Variants in CBR4 observed in about 807,000 individuals in gnomAD.
The protein encoded by CBR4 is 3-oxoacyl-[acyl-carrier-protein] reductase.
CBR4 carries 22 observed loss-of-function variants against 21.0 expected under a neutral mutation model. The observed-to-expected ratio is 1.05, with a 90% CI of 0.75 to 1.50. The LOEUF is 1.50. CBR4 is among the 40% of genes most tolerant of loss of function. The probability of loss-of-function intolerance (pLI) is 0.00; values close to 1 mark genes in which losing one functional copy is unlikely to be tolerated. For synonymous variants in CBR4, 100 were observed against 104.4 expected, an observed-to-expected ratio of 0.96 and a Z score of 0.26; for missense variants, 302 against 286.3, an observed-to-expected ratio of 1.05 and a Z score of -0.40.
chr4:168,967,013 T>TA (rs59484681), intron 2 of CBR4, among the ~76,000 whole-genome samples: 124,068 of 143,812 alleles, frequency 0.86, 53,512 homozygotes, highest in South Asian at 0.91. Flanking sequence ...AAACTCCATC[T>TA]AAAAAAAAAA....
intron 4 of CBR4, chr4:169,001,419 A>T (rs1730423335): frequency 6.6e-6 from 1 of 152,190 alleles, no homozygotes; most frequent in Non-Finnish European, 1.5e-5. Context: ...GGAAAAAATT[A>T]TTTCTAAGAC....
chr4:168,942,417 AAG>A (rs1270045705), intron 2 of CBR4, among the ~76,000 whole-genome samples: 2 of 152,106 alleles, frequency 1.3e-5, no homozygotes, highest in Non-Finnish European at 2.9e-5. Context: ...AAAAAAGAAA[AAG>A]AAAACAAAGA....
chr4:168,965,839 G>A (rs935724691), intron 2 of CBR4, among the ~76,000 whole-genome samples: 9 of 152,084 alleles, frequency 5.9e-5, no homozygotes, highest in African/African-American at 2.2e-4. Context: ...ACATAGACAT[G>A]GGCAAAGAAT....
intron 2 of CBR4, among the ~76,000 whole-genome samples, chr4:168,961,005 T>C (rs1486149924): frequency 6.6e-6 from 1 of 152,192 alleles, no homozygotes; most frequent in Non-Finnish European, 1.5e-5. Flanking sequence ...CACAAGAGAA[T>C]TTGATGGGGA....
chr4:168,915,878 ATC>A, intron 2 of CBR4: 1 of 1,605,674 alleles, frequency 6.2e-7, no homozygotes, highest in Non-Finnish European at 8.5e-7. Flanking sequence ...TCTATCTGTC[ATC>A]TTTCTTGTTT....
Position 168,924,969 on chromosome 4 carries a change from C to T in CBR4, n.170-30204G>A. The T allele has an allele frequency of 6.2e-7, 1 of 1,614,152 alleles. No homozygotes were observed. Among genetic ancestry groups the T allele is most frequent in the Non-Finnish European group, 8.5e-7 (1 of 1,179,998 alleles). On this transcript the variant is annotated intron_variant and non_coding_transcript_variant, in intron 2 of 3. Coordinates refer to the CBR4 transcript ENST00000509108. Reference sequence around the variant, plus strand: ...GCATGCACCAGGACAACCACGGCTACATCTGCCTGCTCATTCAGGGAGCCA... The same window carrying T: ...GCATGCACCAGGACAACCACGGCTATATCTGCCTGCTCATTCAGGGAGCCA...
chr4:169,007,419 G>A (rs1730997075), intron 2 of CBR4, among the ~76,000 whole-genome samples: 1 of 151,992 alleles, frequency 6.6e-6, no homozygotes, highest in Admixed American at 6.6e-5. Context: ...GCTCAATATG[G>A]GTGATGATTA....
chr4:168,988,029 G>C lies in CBR4; in HGVS notation c.*2121C>G. On this transcript the variant is annotated 3_prime_UTR_variant, in exon 5 of 5. Coordinates refer to ENST00000306193, the MANE Select transcript of CBR4 (RefSeq NM_032783.5). ...CAAACAGCTACAGATGAGTCTTCTT[G>C]TTAAGAATTCATTCAATGCTTCTCA... 1.0e-6 allele frequency: 1 copy of C among 985,286 alleles called. No homozygotes were observed. Among genetic ancestry groups the C allele is most frequent in the Non-Finnish European group, 1.2e-6 (1 of 829,826 alleles). 61.0% of individuals were successfully genotyped at this position (985,286 alleles called of 1,614,324 possible). A position where few individuals can be genotyped will look rare whatever the true frequency, so the allele number is the denominator to read the frequency against.
chr4:168,951,926 T>C (rs751933412), intron 2 of CBR4, among the ~76,000 whole-genome samples: 18 of 152,180 alleles, frequency 1.2e-4, no homozygotes, highest in Non-Finnish European at 1.6e-4. Flanking sequence ...ATTTCCCAGG[T>C]GTTCTTTGTG....
At chr4:168,940,395 C>T (rs1332836953) in intron 2 of CBR4, among the ~76,000 whole-genome samples, 1 of 152,162 alleles carries the variant, frequency 6.6e-6, no homozygotes. Flanking sequence ...GACTTCATTA[C>T]TAAAATACCA....
intron 2 of CBR4, chr4:168,898,124 TACAGAAGGAAA>T (rs139386005): frequency 0.12 from 36,017 of 310,612 alleles, 2,301 homozygotes; most frequent in African/African-American, 0.17. Flanking sequence ...GCTTTTACCC[TACAGAAGGAAA>T]TCAGCGTTCC....
chr4:168,989,961 C>CAAA lies in CBR4; in HGVS notation c.*186_*188dup. The CAAA allele has an allele frequency of 4.5e-5, 46 of 1,023,052 alleles. No individual in the cohort carries two copies. The highest frequency in any genetic ancestry group is 1.2e-4 in the East Asian group (3 of 25,124). 63.4% of individuals were successfully genotyped at this position (1,023,052 alleles called of 1,614,324 possible). Reference sequence around the variant, plus strand: ...AAAACAACACTGATGTAACTTAGACCAAAAAAAAAAAAACCACAATTTGTC... The same window carrying CAAA: ...AAAACAACACTGATGTAACTTAGACCAAAAAAAAAAAAAAAACCACAATTTGTC... On this transcript the variant is annotated 3_prime_UTR_variant, in exon 5 of 5. Transcript: ENST00000306193.
At chr4:168,930,799 C>G (rs1762952415) in intron 2 of CBR4, among the ~76,000 whole-genome samples, 1 of 152,130 alleles carries the variant, frequency 6.6e-6, no homozygotes, top group Admixed American at 6.5e-5. Flanking sequence ...GCCCCATCAG[C>G]CCCCATTACC....
chr4:168,949,069 G>C lies in CBR4; in HGVS notation n.169+53002C>G, dbSNP rs189873967. Among the ~76,000 whole-genome samples the C allele has an allele frequency of 2.0e-4, 31 of 152,252 alleles. 1 individual carries two copies. The highest frequency in any genetic ancestry group is 1.8e-3 in the Admixed American group (28 of 15,286). ...GCAGTGTTTTGTAGTTTTCCTTGTA[G>C]AGGTCTTTAGCCTCCTTGGTTAGGT... On this transcript the variant is annotated intron_variant and non_coding_transcript_variant, in intron 2 of 3. Transcript: ENST00000509108.
At chr4:168,967,230 A>G (rs2126744897) in intron 2 of CBR4, among the ~76,000 whole-genome samples, 1 of 152,310 alleles carries the variant, frequency 6.6e-6, no homozygotes, top group African/African-American at 2.4e-5. Context: ...GCTGGAAACC[A>G]TCATTCTAAG....
chr4:168,985,845 G>A (rs1421883622), downstream of CBR4, among the ~76,000 whole-genome samples: 1 of 152,112 alleles, frequency 6.6e-6, no homozygotes, highest in Non-Finnish European at 1.5e-5. Flanking sequence ...GAATAAGTGG[G>A]AGCTAAACCC....
intron 2 of CBR4, among the ~76,000 whole-genome samples, chr4:168,935,602 T>G (rs947499672): frequency 5.3e-5 from 8 of 152,096 alleles, no homozygotes; most frequent in Non-Finnish European, 7.4e-5. Flanking sequence ...TACTGAGGCT[T>G]GAGTAGGCAG....
At chr4:168,925,923 A>G (rs976387394) in intron 2 of CBR4, among the ~76,000 whole-genome samples, 1 of 151,676 alleles carries the variant, frequency 6.6e-6, no homozygotes, top group Non-Finnish European at 1.5e-5. Context: ...TAGGAAGCTT[A>G]TCAGCTATTC....
chr4:169,009,883 A>C, intron 1 of CBR4, 65 bp downstream of exon 1: 1 of 1,457,066 alleles, frequency 6.9e-7, no homozygotes, highest in Non-Finnish European at 9.3e-7. Context: ...CTTTTTACAA[A>C]GGAGATTTTC....
Sources: allele counts gnomAD v4.1 joint callset (sites outside exome capture counted in the v4.1 genomes callset), GRCh38; gene constraint gnomAD v4.1.1; transcripts MANE v1.5; gene names NCBI Gene and HGNC (gene_info 2026-07-23, HGNC 2026-07-21).